The following GNAO1 variants were observed in gnomAD, a reference collection of about 807,000 sequenced individuals.
GNAO1 encodes guanine nucleotide-binding protein G(o) subunit alpha.
For synonymous variants in GNAO1, 164 were observed against 180.7 expected, an observed-to-expected ratio of 0.91 and a Z score of 0.74; for missense variants, 166 against 478.7, an observed-to-expected ratio of 0.35 and a Z score of 6.10.
chr16:56,284,119 A>G (rs1323008907), intron 3 of GNAO1, among the ~76,000 whole-genome samples: 2 of 152,158 alleles, frequency 1.3e-5, no homozygotes, highest in East Asian at 3.9e-4. Flanking sequence ...TTATCACTCA[A>G]TTACTTATTA....
In GNAO1 at chr16:56,252,775, C is replaced by T. The variant is rs553834220; in HGVS notation, c.162-23156C>T. Among the ~76,000 whole-genome samples the T allele has an allele frequency of 4.6e-5, 7 of 152,320 alleles. 1 individual carries two copies. Among genetic ancestry groups the T allele is most frequent in the South Asian group, 4.1e-4 (2 of 4,824 alleles). ...CCCCTCCCAACCTTCCTCCTGGCCC[C>T]GGCCCCATCCAGCTGTTCCTTCTTG... is the stretch of plus-strand genomic sequence containing the variant. On this transcript the variant is annotated intron_variant, in intron 2 of 8. Transcript: ENST00000262493.
At chr16:56,219,939 T>G (rs1479272659) in intron 2 of GNAO1, among the ~76,000 whole-genome samples, 2 of 152,312 alleles carry the variant, frequency 1.3e-5, no homozygotes, top group East Asian at 1.9e-4. Flanking sequence ...AGAAGGCCCA[T>G]GTCAGTTCAA....
intron 2 of GNAO1, among the ~76,000 whole-genome samples, chr16:56,256,238 TC>T (rs1442059128): frequency 1.3e-5 from 2 of 152,196 alleles, no homozygotes; most frequent in African/African-American, 4.8e-5. Context: ...GACATCTGTC[TC>T]CCTTACTTCC....
intron 6 of GNAO1, among the ~76,000 whole-genome samples, chr16:56,343,458 A>G (rs2037826122): frequency 6.7e-6 from 1 of 148,374 alleles, no homozygotes; most frequent in East Asian, 2.0e-4. Flanking sequence ...ACCACACTCC[A>G]GCTTGAGCAA....
chr16:56,305,137 C>A (rs1373325038), intron 3 of GNAO1, among the ~76,000 whole-genome samples: 1 of 152,206 alleles, frequency 6.6e-6, no homozygotes, highest in East Asian at 1.9e-4. Context: ...TTTCAGCTCA[C>A]CCCGCCAGAC....
At chr16:56,324,728 G>A (rs377645637) in intron 3 of GNAO1, among the ~76,000 whole-genome samples, 2 of 152,234 alleles carry the variant, frequency 1.3e-5, no homozygotes, top group South Asian at 2.1e-4. Flanking sequence ...CAGTGAGGGC[G>A]AAGTCAGACC....
At chr16:56,216,699 C>A (rs2036439829) in intron 2 of GNAO1, among the ~76,000 whole-genome samples, 1 of 152,182 alleles carries the variant, frequency 6.6e-6, no homozygotes, top group Non-Finnish European at 1.5e-5. Context: ...AAGCTGTCAA[C>A]AAAGTGCACC....
intron 2 of GNAO1, among the ~76,000 whole-genome samples, chr16:56,211,789 C>G (rs1596799035): frequency 1.3e-5 from 2 of 152,190 alleles, no homozygotes; most frequent in East Asian, 3.8e-4. Context: ...GTTGATTGTC[C>G]AGAGCTGGCT....
At chr16:56,234,852 C>A (rs1308122349) in intron 2 of GNAO1, among the ~76,000 whole-genome samples, 4 of 151,986 alleles carry the variant, frequency 2.6e-5, no homozygotes, top group Admixed American at 2.6e-4. Flanking sequence ...ACCTCTGTCC[C>A]CCTGGTCATC....
intron 3 of GNAO1, among the ~76,000 whole-genome samples, chr16:56,322,574 T>A (rs2037585940): frequency 6.6e-6 from 1 of 152,098 alleles, no homozygotes; most frequent in Admixed American, 6.5e-5. Flanking sequence ...GGCCTGGCCC[T>A]TCTATCTTAT....
At position 56,334,740 on chromosome 16, in the gene GNAO1, G is replaced by C; in HGVS notation, c.476G>C (p.Ser159Thr). 6.2e-7 allele frequency: 1 copy of C among 1,614,008 alleles called. No homozygotes were observed. Residue 159 changes from serine to threonine, a missense_variant, in exon 5 of 9, where the codon AGC becomes ACC. Coordinates refer to ENST00000262493, the MANE Select transcript of GNAO1 (RefSeq NM_020988.3). ...LNDSAKYYLDSLDRIGAADYQ... is the reference protein window; with the variant it reads ...LNDSAKYYLDTLDRIGAADYQ... ...GTTGCCATCCTCAGCTACCTGGACA[G>C]CCTGGATCGGATTGGGGCCGCCGAC...
intron 3 of GNAO1, 101 bp from the exon 4 acceptor site, chr16:56,328,530 T>G: frequency 8.3e-7 from 1 of 1,208,842 alleles, no homozygotes; most frequent in South Asian, 1.4e-5. Context: ...CTGCACTGGC[T>G]GGGCTCTCAT....
At chr16:56,196,879 A>T (rs8057838) in intron 2 of GNAO1, among the ~76,000 whole-genome samples, 2,654 of 152,292 alleles carry the variant, frequency 0.017, 53 homozygotes, top group African/African-American at 0.034. Context: ...TTCCAGCCTG[A>T]CAAGTGGGAT....
chr16:56,192,393 C>T, intron 1 of GNAO1, 40 bp downstream of exon 1: 1 of 1,122,988 alleles, frequency 8.9e-7, no homozygotes, highest in Non-Finnish European at 1.3e-6. Context: ...CCGACCCCGG[C>T]CACTCCGCAC....
At chr16:56,271,561 C>T (rs2037018523) in intron 2 of GNAO1, among the ~76,000 whole-genome samples, 1 of 152,206 alleles carries the variant, frequency 6.6e-6, no homozygotes, top group Non-Finnish European at 1.5e-5. Flanking sequence ...TGCAGTGATT[C>T]TCCTGCCTCA....
chr16:56,285,189 A>G (rs2037153493), intron 3 of GNAO1, among the ~76,000 whole-genome samples: 1 of 152,212 alleles, frequency 6.6e-6, no homozygotes. Flanking sequence ...AGTAAACGAA[A>G]ACTGCAAGCG....
In GNAO1 at chr16:56,289,674, G is replaced by A. The variant is rs114318067; in HGVS notation, c.303+13602G>A. On this transcript the variant is annotated intron_variant, in intron 3 of 8. Coordinates refer to ENST00000262493, the MANE Select transcript of GNAO1 (RefSeq NM_020988.3). ...ATGAGGATGAGATGGCAGAGCATACGGCGCAGGCTTGAGGAGGGGGTACGG... is the reference window on the plus strand; with the variant it reads ...ATGAGGATGAGATGGCAGAGCATACAGCGCAGGCTTGAGGAGGGGGTACGG... 8.3e-3 allele frequency among the ~76,000 whole-genome samples: 1,262 copies of A among 152,276 alleles called. 16 individuals are homozygous for A. The highest frequency in any genetic ancestry group is 0.034 in the Middle Eastern group (10 of 294).
intron 2 of GNAO1, among the ~76,000 whole-genome samples, chr16:56,237,638 G>A (rs978068872): frequency 6.6e-6 from 1 of 152,222 alleles, no homozygotes; most frequent in East Asian, 1.9e-4. Flanking sequence ...ATGCCTTGGC[G>A]TTTTCCCTCT....
chr16:56,339,982 C>G (rs1359761900), intron 6 of GNAO1, among the ~76,000 whole-genome samples: 1 of 152,244 alleles, frequency 6.6e-6, no homozygotes, highest in Non-Finnish European at 1.5e-5. Flanking sequence ...GCTCATCCCA[C>G]CCATCCTGCA....
Sources: gnomAD v4.1 joint callset for allele counts (sites outside exome capture counted in the v4.1 genomes callset) on GRCh38, gnomAD v4.1.1 for gene constraint, MANE v1.5 for transcripts, NCBI Gene and HGNC (gene_info 2026-07-23, HGNC 2026-07-21) for gene names.